The following ADK variants were observed in gnomAD, a reference collection of about 807,000 sequenced individuals.
ADK encodes N6,N6-dimethyladenosine kinase.
In ADK, 24 loss-of-function variants were observed where a neutral mutation model predicts 44.7. The ratio of observed to expected loss-of-function variants is 0.54; its 90% CI spans 0.39 to 0.76. The LOEUF (loss-of-function observed/expected upper bound fraction) is 0.76, where lower values mean the gene tolerates loss of function less well. ADK is among the 30% of genes least tolerant of loss of function. The pLI, the probability that ADK is intolerant of heterozygous loss-of-function variation, is 0.00. For synonymous variants in ADK, 128 were observed against 142.6 expected, an observed-to-expected ratio of 0.90 and a Z score of 0.73; for missense variants, 321 against 425.1, an observed-to-expected ratio of 0.76 and a Z score of 2.15.
At chr10:74,483,542 TTCTACC>T (rs1371073727) in intron 6 of ADK, among the ~76,000 whole-genome samples, 3 of 152,222 alleles carry the variant, frequency 2.0e-5, no homozygotes, top group Admixed American at 2.0e-4. Context: ...AATTTCTCTT[TTCTACC>T]ACACGGTCAG....
chr10:74,190,660 G>T (rs1822876781), intron 1 of ADK, among the ~76,000 whole-genome samples: 1 of 152,278 alleles, frequency 6.6e-6, no homozygotes, highest in South Asian at 2.1e-4. Context: ...ATATTAGGAA[G>T]TCTTGGGAGT....
chr10:74,527,927 T>G, intron 7 of ADK: 1 of 781,206 alleles, frequency 1.3e-6, no homozygotes, highest in East Asian at 2.4e-5. Context: ...TATAGGTTTC[T>G]TCGACTTCAT....
At chr10:74,391,636 G>A (rs1392716757) in intron 4 of ADK, among the ~76,000 whole-genome samples, 1 of 138,154 alleles carries the variant, frequency 7.2e-6, no homozygotes, top group Non-Finnish European at 1.5e-5. Flanking sequence ...GAATTCAGGA[G>A]TTCGAGGCAA....
chr10:74,567,043 C>G (rs567639522), intron 7 of ADK, among the ~76,000 whole-genome samples: 22 of 152,090 alleles, frequency 1.4e-4, no homozygotes, highest in Admixed American at 3.9e-4. Context: ...TTTTTAAAAA[C>G]AGTTTGTATC....
chr10:74,181,524 G>A (rs1028860629), intron 1 of ADK, among the ~76,000 whole-genome samples: 1 of 152,106 alleles, frequency 6.6e-6, no homozygotes, highest in Admixed American at 6.6e-5. Context: ...ATTTTAAATT[G>A]GCCCAATAGT....
At chr10:74,314,924 TA>T (rs1413465959) in intron 4 of ADK, among the ~76,000 whole-genome samples, 179 bp downstream of exon 4, 1 of 152,168 alleles carries the variant, frequency 6.6e-6, no homozygotes, top group Non-Finnish European at 1.5e-5. Flanking sequence ...TTTCTTTGGT[TA>T]TTGGTAAGCT....
intron 9 of ADK, among the ~76,000 whole-genome samples, chr10:74,665,526 G>C (rs537143637): frequency 6.6e-6 from 1 of 151,714 alleles, no homozygotes; most frequent in South Asian, 2.1e-4. Flanking sequence ...TGAAGCCAAG[G>C]GCTCAAGACC....
chr10:74,231,045 G>T (rs1032330629), intron 3 of ADK, among the ~76,000 whole-genome samples: 2 of 152,062 alleles, frequency 1.3e-5, no homozygotes, highest in Non-Finnish European at 1.5e-5. Context: ...GGATCACAGA[G>T]AACTCATTAG....
At chr10:74,246,425 A>T (rs1302047716) in intron 3 of ADK, among the ~76,000 whole-genome samples, 3 of 152,212 alleles carry the variant, frequency 2.0e-5, no homozygotes, top group Non-Finnish European at 4.4e-5. Context: ...TAATGAGTTG[A>T]GCAGATGGTT....
intron 4 of ADK, chr10:74,371,971 C>G: frequency 2.3e-6 from 2 of 866,352 alleles, no homozygotes; most frequent in Non-Finnish European, 3.9e-6. Flanking sequence ...TCTACCGTTG[C>G]TTTGTGTAAC....
At chr10:74,423,346 G>A (rs1473864810) in intron 6 of ADK, 1 of 157,044 alleles carries the variant, frequency 6.4e-6, no homozygotes, top group African/African-American at 2.4e-5. Context: ...GGTGGCACCA[G>A]TTGCTGAGTG....
At chr10:74,624,329 T>G (rs77081720) in intron 9 of ADK, among the ~76,000 whole-genome samples, 27 of 152,156 alleles carry the variant, frequency 1.8e-4, no homozygotes, top group Admixed American at 1.8e-3. Flanking sequence ...AGCTTTTCTC[T>G]GCTGTTGTTA....
intron 6 of ADK, among the ~76,000 whole-genome samples, chr10:74,514,143 T>C (rs1026899532): frequency 2.0e-5 from 3 of 152,226 alleles, no homozygotes; most frequent in Non-Finnish European, 2.9e-5. Context: ...TGTCCTCTCC[T>C]GGACTATAGG....
intron 4 of ADK, among the ~76,000 whole-genome samples, chr10:74,369,924 G>A (rs1456362713): frequency 6.6e-6 from 1 of 152,146 alleles, no homozygotes; most frequent in African/African-American, 2.4e-5. Context: ...GAATAATTGA[G>A]TTTAGCATGC....
chr10:74,315,627 T>C (rs939418162), intron 4 of ADK, among the ~76,000 whole-genome samples: 6 of 152,210 alleles, frequency 3.9e-5, no homozygotes, highest in African/African-American at 1.4e-4. Context: ...CTAGATTTCT[T>C]TTTCTTTTTT....
Position 74,151,249 on chromosome 10 carries a change from G to C in ADK, c.-30G>C. The C allele has an allele frequency of 6.5e-7, 1 of 1,549,498 alleles. No individual in the cohort carries two copies. Among genetic ancestry groups the C allele is most frequent in the Non-Finnish European group, 8.7e-7 (1 of 1,146,722 alleles). On this transcript the variant is annotated 5_prime_UTR_variant, in exon 1 of 11. Coordinates refer to ENST00000539909, the MANE Select transcript of ADK (RefSeq NM_006721.4). Reference sequence around the variant, plus strand: ...AGAGAGTGGATGGCAGAGGTGGGCTGTAGAGCCAAAGTGGGGTGGGAGCGC... The same window carrying C: ...AGAGAGTGGATGGCAGAGGTGGGCTCTAGAGCCAAAGTGGGGTGGGAGCGC...
intron 4 of ADK, among the ~76,000 whole-genome samples, chr10:74,334,314 T>C (rs556697384): frequency 3.9e-5 from 6 of 152,204 alleles, no homozygotes; most frequent in Admixed American, 6.5e-5. Context: ...ACTTGAGACA[T>C]GAGATAACAT....
At chr10:74,379,521 G>A (rs1244068810) in intron 4 of ADK, among the ~76,000 whole-genome samples, 3 of 152,030 alleles carry the variant, frequency 2.0e-5, no homozygotes, top group African/African-American at 7.3e-5. Flanking sequence ...TAACCAACAA[G>A]GCCCACATAA....
chr10:74,452,813 A>G (rs12570185), intron 6 of ADK, among the ~76,000 whole-genome samples: 2,880 of 152,158 alleles, frequency 0.019, 72 homozygotes, highest in African/African-American at 0.056. Flanking sequence ...GCTTTCTGCC[A>G]TAGAGTATTA....
Sources: gnomAD v4.1 joint callset for allele counts (sites outside exome capture counted in the v4.1 genomes callset) on GRCh38, gnomAD v4.1.1 for gene constraint, MANE v1.5 for transcripts, NCBI Gene and HGNC (gene_info 2026-07-23, HGNC 2026-07-21) for gene names.